PTPRN2: variants seen among roughly 807,000 people sequenced by gnomAD.
The protein encoded by PTPRN2 is protein tyrosine phosphatase receptor type N2, also known as receptor-type tyrosine-protein phosphatase N2.
A neutral mutation model predicts 118.8 loss-of-function variants in PTPRN2; 74 were observed. That is an observed-to-expected ratio of 0.62 (90% CI 0.52 to 0.76). The LOEUF (loss-of-function observed/expected upper bound fraction) is 0.76, where lower values mean the gene tolerates loss of function less well. Among genes scored for constraint, PTPRN2 ranks in the 30% least tolerant of loss-of-function variants. The pLI is 0.00. For missense variants in PTPRN2, 1,481 were observed against 1,394.4 expected, an observed-to-expected ratio of 1.06 and a Z score of -0.99; for synonymous variants, 641 against 608.0, an observed-to-expected ratio of 1.05 and a Z score of -0.80.
At chr7:157,681,127 G>A (rs140133723) in intron 13 of PTPRN2, among the ~76,000 whole-genome samples, 1,819 of 151,094 alleles carry the variant, frequency 0.012, 38 homozygotes, top group African/African-American at 0.042. Context: ...AGTCATTTCT[G>A]CATGCAAGTC....
rs1324092627 is a variant in PTPRN2 at position 158,179,045 on chromosome 7, G to A, written c.550-11754C>T. On this transcript the variant is annotated intron_variant, in intron 5 of 22. Coordinates refer to ENST00000389418, the MANE Select transcript of PTPRN2 (RefSeq NM_002847.5). ...AGTAGTGAGATTGCTGGATCAAAAGGGTAGATCAACTTTTAGTTCTTTATG... is the reference window on the plus strand; with the variant it reads ...AGTAGTGAGATTGCTGGATCAAAAGAGTAGATCAACTTTTAGTTCTTTATG... Among the ~76,000 whole-genome samples the A allele has an allele frequency of 2.6e-5, 4 of 151,978 alleles. No individual in the cohort carries two copies. In the South Asian group the frequency reaches 8.3e-4, roughly 32 times the overall value.
intron 11 of PTPRN2, among the ~76,000 whole-genome samples, chr7:158,060,383 A>G (rs1307896910): frequency 6.6e-6 from 1 of 152,210 alleles, no homozygotes; most frequent in South Asian, 2.1e-4. Context: ...CCGCCATCAC[A>G]GGTCTCACTG....
chr7:157,757,096 A>G (rs1260635592), intron 12 of PTPRN2, among the ~76,000 whole-genome samples: 1 of 151,918 alleles, frequency 6.6e-6, no homozygotes, highest in Non-Finnish European at 1.5e-5. Flanking sequence ...CTCACAAGAT[A>G]AAAGTTTTTT....
At chr7:158,524,909 A>G (rs1317560990) in intron 1 of PTPRN2, among the ~76,000 whole-genome samples, 1 of 152,146 alleles carries the variant, frequency 6.6e-6, no homozygotes, top group Non-Finnish European at 1.5e-5. Flanking sequence ...GTTCAGACCC[A>G]TGTTGTCCCA....
At chr7:158,545,022 C>A (rs934242476) in intron 1 of PTPRN2, among the ~76,000 whole-genome samples, 80 of 152,236 alleles carry the variant, frequency 5.3e-4, no homozygotes, top group African/African-American at 1.8e-3. Context: ...CCTCTGGAAG[C>A]TCCAGGTCCT....
At chr7:158,428,614 C>T (rs751520453) in intron 2 of PTPRN2, among the ~76,000 whole-genome samples, 1 of 152,132 alleles carries the variant, frequency 6.6e-6, no homozygotes, top group Non-Finnish European at 1.5e-5. Flanking sequence ...AATTTTAGTA[C>T]CTGCAAGGTA....
intron 14 of PTPRN2, among the ~76,000 whole-genome samples, chr7:157,634,733 A>G (rs1332670997): frequency 1.3e-5 from 2 of 152,202 alleles, no homozygotes; most frequent in African/African-American, 4.8e-5. Context: ...ACACAAAACA[A>G]TTCTGTGAAA....
At chr7:157,789,194 G>C (rs1330375881) in intron 12 of PTPRN2, among the ~76,000 whole-genome samples, 2 of 152,208 alleles carry the variant, frequency 1.3e-5, no homozygotes, top group Admixed American at 6.5e-5. Context: ...ATGCTTCCGG[G>C]ATGAATTTGG....
intron 11 of PTPRN2, among the ~76,000 whole-genome samples, chr7:157,980,511 G>C (rs1457372860): frequency 6.6e-5 from 10 of 152,302 alleles, no homozygotes; most frequent in South Asian, 6.2e-4. Context: ...CAGCACTTTG[G>C]GAGGCCGAGG....
intron 2 of PTPRN2, among the ~76,000 whole-genome samples, chr7:158,390,843 C>A (rs1441467084): frequency 6.6e-6 from 1 of 152,226 alleles, no homozygotes; most frequent in African/African-American, 2.4e-5. Context: ...GTATGTCATG[C>A]CCCAAAGAGG....
chr7:158,012,147 G>A (rs1806091932), intron 11 of PTPRN2, among the ~76,000 whole-genome samples: 1 of 152,134 alleles, frequency 6.6e-6, no homozygotes, highest in Admixed American at 6.5e-5. Flanking sequence ...CCCACGTGTT[G>A]GGGGCAAGAA....
At chr7:158,175,299 G>A (rs1032791579) in intron 5 of PTPRN2, among the ~76,000 whole-genome samples, 14 of 152,188 alleles carry the variant, frequency 9.2e-5, no homozygotes, top group Non-Finnish European at 1.9e-4. Flanking sequence ...CTAATGAGCC[G>A]GCACCGGATG....
At chr7:158,147,726 C>A (rs1585621949) in intron 6 of PTPRN2, among the ~76,000 whole-genome samples, 3 of 144,108 alleles carry the variant, frequency 2.1e-5, no homozygotes, top group East Asian at 2.0e-4. Context: ...GACACCCCAT[C>A]TCACGCCACG....
At chr7:158,341,821 CAGCAGACG>C (rs2151232838) in intron 2 of PTPRN2, among the ~76,000 whole-genome samples, 1 of 130,128 alleles carries the variant, frequency 7.7e-6, no homozygotes, top group Non-Finnish European at 1.6e-5. Context: ...GAGGTGACAC[CAGCAGACG>C]TCACTCACAC....
intron 7 of PTPRN2, 123 bp from the exon 8 acceptor site, chr7:158,136,818 C>T (rs1818865303): frequency 4.6e-6 from 4 of 875,740 alleles, no homozygotes; most frequent in South Asian, 4.4e-5. Context: ...TGACGCTGGC[C>T]TAAGTCCTGC....
chr7:157,712,154 C>T, intron 12 of PTPRN2, among the ~76,000 whole-genome samples: 1 of 151,454 alleles, frequency 6.6e-6, no homozygotes, highest in Non-Finnish European at 1.5e-5. Context: ...CCAGTCCTAC[C>T]CCAAGGGGAG....
At chr7:158,193,737 C>T (rs1825966929) in intron 4 of PTPRN2, among the ~76,000 whole-genome samples, 1 of 152,102 alleles carries the variant, frequency 6.6e-6, no homozygotes, top group Non-Finnish European at 1.5e-5. Flanking sequence ...CCCAGAGCTT[C>T]ACAGCCCCCA....
intron 14 of PTPRN2, among the ~76,000 whole-genome samples, chr7:157,628,790 T>C (rs1326520569): frequency 6.6e-6 from 1 of 152,170 alleles, no homozygotes; most frequent in Non-Finnish European, 1.5e-5. Context: ...GAAAGACTCC[T>C]GAGTTCCCTC....
At chr7:157,789,585 G>A (rs1292570429) in intron 12 of PTPRN2, among the ~76,000 whole-genome samples, 1 of 152,222 alleles carries the variant, frequency 6.6e-6, no homozygotes, top group African/African-American at 2.4e-5. Flanking sequence ...GTGGCTCCGT[G>A]GTCCCCTGAG....
Sources: gnomAD v4.1 joint callset for allele counts (sites outside exome capture counted in the v4.1 genomes callset) on GRCh38, gnomAD v4.1.1 for gene constraint, MANE v1.5 for transcripts, NCBI Gene and HGNC (gene_info 2026-07-23, HGNC 2026-07-21) for gene names.